Variants in FRAS1 observed in about 807,000 individuals in gnomAD.
FRAS1 encodes extracellular matrix organizing protein FRAS1.
In FRAS1, 290 loss-of-function variants were observed where a neutral mutation model predicts 435.2. The observed-to-expected ratio is 0.67, with a 90% CI of 0.61 to 0.73. The LOEUF is 0.73. FRAS1 is among the 30% of genes least tolerant of loss of function. The probability of loss-of-function intolerance (pLI) is 0.00; values close to 1 mark genes in which losing one functional copy is unlikely to be tolerated. For synonymous variants in FRAS1, 1,800 were observed against 1,851.0 expected (o/e 0.97, Z 0.71); for missense variants, 4,860 against 5,001.5 (o/e 0.97, Z 0.85).
At position 78,421,894 on chromosome 4, in the gene FRAS1, T is replaced by A. The variant is rs754653178; in HGVS notation, c.4572T>A (p.Ser1524=). ...GIIEHRDHPH[S]PIRYFTQEDI... is the part of the protein sequence containing the mutation. ...TCGAGCACCGGGACCACCCTCACTC[T>A]CCTATCCGGTATTTCACGCAAGAGG... Residue 1524 remains serine, a synonymous_variant, in exon 34 of 74, where the codon TCT becomes TCA. Coordinates refer to ENST00000512123, the MANE Select transcript of FRAS1 (RefSeq NM_025074.7). 1 of 1,613,800 alleles carries A rather than the reference T, an allele frequency of 6.2e-7. No homozygotes were observed. The highest frequency in any genetic ancestry group is 1.1e-5 in the South Asian group (1 of 91,066).
At chr4:78,131,785 A>G (rs1719696419) in intron 2 of FRAS1, among the ~76,000 whole-genome samples, 1 of 152,250 alleles carries the variant, frequency 6.6e-6, no homozygotes, top group South Asian at 2.1e-4. Context: ...TCAAGTGGGA[A>G]GAAAAAAGAA....
intron 50 of FRAS1, among the ~76,000 whole-genome samples, chr4:78,468,560 C>T (rs905296719): frequency 2.6e-5 from 4 of 152,012 alleles, no homozygotes; most frequent in African/African-American, 9.7e-5. Context: ...ATGCTTTTCT[C>T]TTGAGGTTGT....
intron 71 of FRAS1, among the ~76,000 whole-genome samples, chr4:78,535,149 A>G (rs12639791): frequency 0.14 from 21,808 of 151,942 alleles, 1,803 homozygotes; most frequent in East Asian, 0.3. Context: ...ACCCGACACC[A>G]TCTTGCCTCT....
At position 78,438,891 on chromosome 4, in the gene FRAS1, T is replaced by G; in HGVS notation, c.5367-11T>G. The G allele has an allele frequency of 1.9e-6, 3 of 1,588,948 alleles. No homozygotes were observed. The highest frequency in any genetic ancestry group is 1.7e-6 in the Non-Finnish European group (2 of 1,171,346). ...TGGCTTATTCATTTGATTCTTTTTG[T>G]TTTTTTATAGATACTCAGCTGTGTT... On this transcript the variant is annotated splice_polypyrimidine_tract_variant and intron_variant, in intron 39 of 73. Transcript: ENST00000512123.
At position 78,464,481 on chromosome 4, in the gene FRAS1, T is replaced by C. The variant is rs745615099; in HGVS notation, c.6927T>C (p.Asp2309=). 2 of 1,613,990 alleles carry C rather than the reference T, an allele frequency of 1.2e-6. No homozygotes were observed. The highest frequency in any genetic ancestry group is 4.5e-5 in the East Asian group (2 of 44,882). Residue 2309 remains aspartate (D), a synonymous_variant, in exon 49 of 74, where the codon GAT becomes GAC. Coordinates refer to ENST00000512123, the MANE Select transcript of FRAS1 (RefSeq NM_025074.7). The part of the protein sequence containing the change: ...QTFHITLHPV[D]DSLPVVQNLG... The stretch of plus-strand genomic sequence containing the variant: ...TCCATATCACTCTTCACCCTGTCGA[T>C]GATTCGCTGCCCGTCGTACAGAACT...
intron 20 of FRAS1, among the ~76,000 whole-genome samples, chr4:78,347,573 C>T (rs1410175305): frequency 6.6e-6 from 1 of 152,206 alleles, no homozygotes; most frequent in Non-Finnish European, 1.5e-5. Flanking sequence ...CCCCACGCCA[C>T]ACTGCTCTGT....
chr4:78,080,559 A>G (rs979634587), intron 2 of FRAS1, among the ~76,000 whole-genome samples: 2 of 152,174 alleles, frequency 1.3e-5, no homozygotes, highest in Admixed American at 6.6e-5. Flanking sequence ...GTGCATGTGA[A>G]CAGTTGGTAT....
rs150317446 is a variant in FRAS1, at chr4:78,287,020, C to T, written c.1534+481C>T. On this transcript the variant is annotated intron_variant, in intron 14 of 73. Coordinates refer to ENST00000512123, the MANE Select transcript of FRAS1 (RefSeq NM_025074.7). ...CACTGCCATATAGAACTACCTGAGA[C>T]TGGATAATTTATGAAGAAAAGAGGT... Among the ~76,000 whole-genome samples the T allele has an allele frequency of 5.7e-3, 873 of 152,252 alleles. 9 individuals carry two copies. The highest frequency in any genetic ancestry group is 0.02 in the African/African-American group (822 of 41,542).
chr4:78,446,392 A>G (rs755243627), intron 42 of FRAS1: 25 of 1,088,282 alleles, frequency 2.3e-5, no homozygotes, highest in Non-Finnish European at 2.8e-5. Context: ...GAGTTATATT[A>G]GTATGGTCTT....
intron 11 of FRAS1, among the ~76,000 whole-genome samples, chr4:78,282,601 C>T (rs370695205): frequency 2.0e-5 from 1 of 50,070 alleles, no homozygotes; most frequent in South Asian, 1.3e-3. Flanking sequence ...GGCTGGTTCT[C>T]TACATTGAAG....
chr4:78,369,264 G>C (rs1034388491), intron 22 of FRAS1, among the ~76,000 whole-genome samples: 2 of 151,328 alleles, frequency 1.3e-5, no homozygotes, highest in African/African-American at 4.9e-5. Context: ...AGAAATGCCA[G>C]TTGTTAAATA....
chr4:78,236,974 T>A (rs11725082), intron 2 of FRAS1, among the ~76,000 whole-genome samples: 1 of 151,958 alleles, frequency 6.6e-6, no homozygotes, highest in African/African-American at 2.4e-5. Context: ...TAGTCACTCA[T>A]ACATATGTTG....
intron 61 of FRAS1, among the ~76,000 whole-genome samples, chr4:78,500,439 G>T (rs1247863947): frequency 6.6e-6 from 1 of 152,170 alleles, no homozygotes; most frequent in African/African-American, 2.4e-5. Flanking sequence ...ACAGCTTAAA[G>T]GTCTGTGATC....
intron 2 of FRAS1, among the ~76,000 whole-genome samples, chr4:78,113,588 G>A (rs1453441705): frequency 6.6e-6 from 1 of 152,210 alleles, no homozygotes; most frequent in Non-Finnish European, 1.5e-5. Flanking sequence ...GTGATGATGA[G>A]CATTTTTTCA....
intron 1 of FRAS1, 72 bp from the exon 2 acceptor site, chr4:78,065,913 C>T: frequency 3.5e-6 from 4 of 1,152,614 alleles, no homozygotes; most frequent in Non-Finnish European, 5.2e-6. Flanking sequence ...GTTTTAGCAG[C>T]AAGCTTGCTG....
At chr4:78,379,141 G>T (rs1372328506) in intron 26 of FRAS1, 2 of 152,714 alleles carry the variant, frequency 1.3e-5, no homozygotes, top group African/African-American at 2.4e-5. Flanking sequence ...TTAAGAAAAG[G>T]TTGGCACACG....
intron 2 of FRAS1, among the ~76,000 whole-genome samples, chr4:78,086,418 C>G (rs569017040): frequency 6.6e-6 from 1 of 152,082 alleles, no homozygotes; most frequent in Non-Finnish European, 1.5e-5. Context: ...CAAGAAATAA[C>G]TAAGATCAGA....
At chr4:78,058,127 CGTGT>C (rs753332895) in intron 1 of FRAS1, 42 bp downstream of exon 1, 8 of 1,473,824 alleles carry the variant, frequency 5.4e-6, no homozygotes, top group Admixed American at 1.7e-5. Context: ...TGTGCGTGTG[CGTGT>C]GTGTGTGTAT....
chr4:78,498,888 C>T (rs895920651), intron 60 of FRAS1, among the ~76,000 whole-genome samples: 3 of 146,826 alleles, frequency 2.0e-5, no homozygotes, highest in Non-Finnish European at 4.5e-5. Flanking sequence ...TGCTTTGTCG[C>T]CCAGGCTGGA....
Sources: allele counts gnomAD v4.1 joint callset (sites outside exome capture counted in the v4.1 genomes callset), GRCh38; gene constraint gnomAD v4.1.1; transcripts MANE v1.5; gene names NCBI Gene and HGNC (gene_info 2026-07-23, HGNC 2026-07-21).